ZNF804A: variants seen among roughly 807,000 people sequenced by gnomAD.
ZNF804A encodes zinc finger protein 804A.
In ZNF804A, 2 loss-of-function variants were observed where a neutral mutation model predicts 16.5. The ratio of observed to expected loss-of-function variants is 0.12; its 90% confidence interval spans 0.05 to 0.38. The LOEUF (loss-of-function observed/expected upper bound fraction) is 0.38, where lower values mean the gene tolerates loss of function less well. Among genes scored for constraint, ZNF804A ranks in the 10% least tolerant of loss-of-function variants. The probability of loss-of-function intolerance (pLI) is 0.99; values close to 1 mark genes in which losing one functional copy is unlikely to be tolerated. For missense variants in ZNF804A, 1,473 were observed against 1,390.7 expected (o/e 1.06, Z -0.94); for synonymous variants, 534 against 489.6 (o/e 1.09, Z -1.20).
At position 184,901,356 on chromosome 2, in the gene ZNF804A, A is replaced by G. The variant is rs145422335; in HGVS notation, c.256-32247A>G. Among the ~76,000 whole-genome samples, 432 of 152,244 alleles carry G rather than the reference A, an allele frequency of 2.8e-3. 7 individuals are homozygous for G. Among genetic ancestry groups the G allele is most frequent in the East Asian group, 7.0e-3 (36 of 5,176 alleles). On this transcript the variant is annotated intron_variant, in intron 2 of 3. Transcript: ENST00000302277. ...TTTAGAAGAGAGTGAAGGGAAGGAAAGAGAATTGAAAGAAAGTTTTGGCCA... is the reference window on the plus strand; with the variant it reads ...TTTAGAAGAGAGTGAAGGGAAGGAAGGAGAATTGAAAGAAAGTTTTGGCCA...
chr2:184,810,460 C>G lies in ZNF804A; in HGVS notation c.112-55909C>G, dbSNP rs948637071. 2.2e-5 allele frequency among the ~76,000 whole-genome samples: 3 copies of G among 135,920 alleles called. No individual in the cohort carries two copies. The East Asian group carries it at 6.2e-4, about 28-fold the overall frequency. The allele number at this position is 135,920 out of a possible 152,430, so 89.2% of individuals were successfully genotyped here. ...ATTTTTTCTTATTATAATTACATTT[C>G]TGAAACATTTTTATGTTCTTTTCCT... On this transcript the variant is annotated intron_variant, in intron 1 of 3. Coordinates refer to ENST00000302277, the MANE Select transcript of ZNF804A (RefSeq NM_194250.2).
intron 1 of ZNF804A, among the ~76,000 whole-genome samples, chr2:184,769,302 A>C (rs1417058654): frequency 6.6e-6 from 1 of 152,116 alleles, no homozygotes; most frequent in Non-Finnish European, 1.5e-5. Context: ...CCGAGAACCT[A>C]CATCCTGTAT....
At chr2:184,722,677 T>G (rs1693337164) in intron 1 of ZNF804A, among the ~76,000 whole-genome samples, 1 of 151,992 alleles carries the variant, frequency 6.6e-6, no homozygotes, top group Admixed American at 6.6e-5. Flanking sequence ...AAGTTATAAC[T>G]TATGGTTTGT....
At chr2:184,859,621 G>A (rs1254210105) in intron 1 of ZNF804A, among the ~76,000 whole-genome samples, 2 of 152,030 alleles carry the variant, frequency 1.3e-5, no homozygotes, top group Non-Finnish European at 2.9e-5. Context: ...TCAGCTAGTG[G>A]GAGATTTTGT....
intron 1 of ZNF804A, among the ~76,000 whole-genome samples, chr2:184,694,778 T>G (rs1692794517): frequency 1.3e-5 from 2 of 152,200 alleles, no homozygotes; most frequent in African/African-American, 4.8e-5. Flanking sequence ...CAGATTAATC[T>G]CAGAGTTCCT....
At chr2:184,629,835 G>A (rs970845262) in intron 1 of ZNF804A, among the ~76,000 whole-genome samples, 2 of 152,046 alleles carry the variant, frequency 1.3e-5, no homozygotes, top group African/African-American at 2.4e-5. Context: ...ACTATGACAG[G>A]GTATGTAATG....
At chr2:184,791,019 G>T (rs1185139293) in intron 1 of ZNF804A, among the ~76,000 whole-genome samples, 1 of 152,096 alleles carries the variant, frequency 6.6e-6, no homozygotes, top group Non-Finnish European at 1.5e-5. Flanking sequence ...TTTTCTATTT[G>T]CATGATATAT....
intron 2 of ZNF804A, among the ~76,000 whole-genome samples, chr2:184,928,586 A>T (rs1314553988): frequency 6.6e-6 from 1 of 152,104 alleles, no homozygotes; most frequent in African/African-American, 2.4e-5. Context: ...CTTGCCTAGG[A>T]GTTGCAGTCT....
chr2:184,922,327 TTGATATA>T (rs1685541203), intron 2 of ZNF804A, among the ~76,000 whole-genome samples: 1 of 152,162 alleles, frequency 6.6e-6, no homozygotes, highest in Admixed American at 6.6e-5. Flanking sequence ...CATTGCAGTT[TTGATATA>T]CATTTCTCTA....
chr2:184,607,963 T>TTTC (rs869036879), intron 1 of ZNF804A, among the ~76,000 whole-genome samples: 1 of 143,218 alleles, frequency 7.0e-6, no homozygotes, highest in Non-Finnish European at 1.5e-5. Flanking sequence ...TTTTTTTTTT[T>TTTC]GAGACGGAGT....
At chr2:184,922,326 T>C (rs1685541171) in intron 2 of ZNF804A, among the ~76,000 whole-genome samples, 1 of 152,160 alleles carries the variant, frequency 6.6e-6, no homozygotes, top group Admixed American at 6.6e-5. Context: ...TCATTGCAGT[T>C]TTGATATACA....
At chr2:184,880,625 T>C (rs181312781) in intron 2 of ZNF804A, among the ~76,000 whole-genome samples, 5 of 152,212 alleles carry the variant, frequency 3.3e-5, no homozygotes, top group Non-Finnish European at 2.9e-5. Context: ...TCATGTTTCT[T>C]AGTCTGTTGT....
At chr2:184,894,942 G>T (rs12999617) in intron 2 of ZNF804A, among the ~76,000 whole-genome samples, 1 of 151,634 alleles carries the variant, frequency 6.6e-6, no homozygotes, top group Admixed American at 6.6e-5. Flanking sequence ...ATCCCCCCAC[G>T]TCGGCCTCCA....
intron 1 of ZNF804A, among the ~76,000 whole-genome samples, chr2:184,796,781 T>C (rs1297487094): frequency 6.6e-6 from 1 of 152,154 alleles, no homozygotes; most frequent in African/African-American, 2.4e-5. Flanking sequence ...AACTTTCCCC[T>C]TAGCATCGAC....
intron 1 of ZNF804A, among the ~76,000 whole-genome samples, chr2:184,637,781 A>G (rs1691724791): frequency 6.6e-6 from 1 of 152,192 alleles, no homozygotes; most frequent in Non-Finnish European, 1.5e-5. Context: ...AGTTGTAACT[A>G]ATGTTTTTCT....
At chr2:184,851,615 C>A (rs1321114575) in intron 1 of ZNF804A, among the ~76,000 whole-genome samples, 2 of 151,904 alleles carry the variant, frequency 1.3e-5, no homozygotes, top group Admixed American at 6.6e-5. Context: ...GATTCCATAC[C>A]TTTGCTACTG....
intron 1 of ZNF804A, among the ~76,000 whole-genome samples, chr2:184,850,814 A>T (rs1695590349): frequency 6.6e-6 from 1 of 151,820 alleles, no homozygotes; most frequent in Non-Finnish European, 1.5e-5. Context: ...CAATCTATTT[A>T]TATCTTTGCA....
At chr2:184,887,069 T>G (rs1204243221) in intron 2 of ZNF804A, among the ~76,000 whole-genome samples, 1 of 152,244 alleles carries the variant, frequency 6.6e-6, no homozygotes, top group Admixed American at 6.5e-5. Flanking sequence ...CTTATAAAAC[T>G]TAATGCCTTT....
intron 1 of ZNF804A, among the ~76,000 whole-genome samples, chr2:184,824,916 T>C (rs531217507): frequency 8.5e-5 from 13 of 152,262 alleles, no homozygotes; most frequent in African/African-American, 2.9e-4. Flanking sequence ...TGTGACCATT[T>C]GTGACCTACT....
Sources: gnomAD v4.1 joint callset for allele counts (sites outside exome capture counted in the v4.1 genomes callset) on GRCh38, gnomAD v4.1.1 for gene constraint, MANE v1.5 for transcripts, NCBI Gene and HGNC (gene_info 2026-07-23, HGNC 2026-07-21) for gene names.